The following MYL4 variants were observed in gnomAD, a reference collection of about 807,000 sequenced individuals.
MYL4 encodes myosin light chain 4.
In MYL4, 16 loss-of-function variants were observed where a neutral mutation model predicts 21.6. That is an observed-to-expected ratio of 0.74 (90% CI 0.50 to 1.12). The LOEUF (loss-of-function observed/expected upper bound fraction) is 1.12, where lower values mean the gene tolerates loss of function less well. Among genes scored for constraint, MYL4 ranks in the 50% most tolerant of loss-of-function variants. MYL4 has a pLI of 0.00. For synonymous variants in MYL4, 82 were observed against 95.7 expected, an observed-to-expected ratio of 0.86 and a Z score of 0.83; for missense variants, 249 against 252.9, an observed-to-expected ratio of 0.98 and a Z score of 0.11.
chr17:47,201,349 G>A (rs2064708807), intron 1 of MYL4, among the ~76,000 whole-genome samples: 2 of 151,992 alleles, frequency 1.3e-5, no homozygotes, highest in Admixed American at 6.6e-5. Context: ...TTGGTGGGAA[G>A]GATTCTTATA....
the MYL4 span, among the ~76,000 whole-genome samples, chr17:47,190,406 A>G: frequency 6.6e-6 from 1 of 152,196 alleles, no homozygotes; most frequent in Non-Finnish European, 1.5e-5. Context: ...AGAGTGAACC[A>G]GGGGACTGTT....
At chr17:47,226,260 C>T (rs916024680), downstream of MYL4, among the ~76,000 whole-genome samples, 1 of 152,072 alleles carries the variant, frequency 6.6e-6, no homozygotes, top group Admixed American at 6.6e-5. Context: ...TTTAAGGAAC[C>T]AATACAAGGA....
chr17:47,213,195 C>G (rs1187876422), intron 1 of MYL4, among the ~76,000 whole-genome samples: 1 of 152,174 alleles, frequency 6.6e-6, no homozygotes, highest in East Asian at 1.9e-4. Flanking sequence ...TTACAATAGG[C>G]AGTCCGTGTA....
intron 1 of MYL4, among the ~76,000 whole-genome samples, chr17:47,201,523 C>G (rs903579581): frequency 1.3e-5 from 2 of 151,742 alleles, no homozygotes; most frequent in African/African-American, 2.4e-5. Flanking sequence ...ATGGCACGAT[C>G]TGCTCACTGC....
intron 2 of MYL4, among the ~76,000 whole-genome samples, chr17:47,216,353 A>AT (rs1456800487): frequency 8.2e-6 from 1 of 121,874 alleles, no homozygotes; most frequent in Admixed American, 8.5e-5. Flanking sequence ...TCAGTGTTTG[A>AT]TTTTTTTATG....
rs192796664 is a variant in MYL4 at position 47,202,054 on chromosome 17, C to T, written c.-35+1468C>T. On this transcript the variant is annotated intron_variant and NMD_transcript_variant, in intron 1 of 6. Transcript: ENST00000571981. ...AGGCTGGAGTGCAGTGGCTCGATCT[C>T]GGCTCACTGCAATCTCCACCTCCGG... 2.7e-3 allele frequency among the ~76,000 whole-genome samples: 418 copies of T among 152,256 alleles called. 2 individuals are homozygous for T. The highest frequency in any genetic ancestry group is 4.0e-3 in the Non-Finnish European group (275 of 68,020).
At chr17:47,194,267 C>T in the MYL4 span, among the ~76,000 whole-genome samples, 1 of 152,140 alleles carries the variant, frequency 6.6e-6, no homozygotes, top group East Asian at 1.9e-4. Context: ...TTTTCCATTG[C>T]CCAAAAGATT....
chr17:47,220,860 TC>T (rs1437773477), intron 3 of MYL4, among the ~76,000 whole-genome samples: 1 of 152,106 alleles, frequency 6.6e-6, no homozygotes, highest in African/African-American at 2.4e-5. Context: ...GGGGTGAGCC[TC>T]TCAGCAAGGG....
upstream of MYL4, among the ~76,000 whole-genome samples, chr17:47,206,360 GA>G (rs1567743179): frequency 6.6e-6 from 1 of 152,124 alleles, no homozygotes; most frequent in African/African-American, 2.4e-5. Context: ...AGAAGAAAAG[GA>G]AAGAACAACC....
At chr17:47,194,020 G>C in the MYL4 span, among the ~76,000 whole-genome samples, 32 of 152,360 alleles carry the variant, frequency 2.1e-4, 1 homozygote, top group South Asian at 6.4e-3. Context: ...AAAGTGCTGG[G>C]ATTACAGGCG....
chr17:47,210,963 G>T (rs905895800), intron 1 of MYL4, among the ~76,000 whole-genome samples: 1 of 152,044 alleles, frequency 6.6e-6, no homozygotes, highest in African/African-American at 2.4e-5. Context: ...TGTGCCTTTG[G>T]GTGGGTTGCC....
At position 47,209,507 on chromosome 17, in the gene MYL4, C is replaced by G; in HGVS notation, c.85C>G (p.Pro29Ala). The G allele has an allele frequency of 6.2e-7, 1 of 1,614,224 alleles. No individual in the cohort carries two copies. Among genetic ancestry groups the G allele is most frequent in the Non-Finnish European group, 8.5e-7 (1 of 1,180,040 alleles). Residue 29 changes from proline (P) to alanine (A), a missense_variant, in exon 1 of 7, where the codon CCA becomes GCA. Physicochemically the swap from Pro to Ala is conservative, Grantham distance 27. Transcript: ENST00000393450. ...TCCAGCCCCTGCACCAGCCCCTGCCCCAGCTCCTGAGGCTCCCAAGGAACC... is the reference window on the plus strand; with the variant it reads ...TCCAGCCCCTGCACCAGCCCCTGCCGCAGCTCCTGAGGCTCCCAAGGAACC... ...PAPAPAPAPAPAPEAPKEPAF... is the reference protein window; with the variant it reads ...PAPAPAPAPAAAPEAPKEPAF...
chr17:47,225,356 G>A (rs1166900493), downstream of MYL4, among the ~76,000 whole-genome samples: 1 of 152,204 alleles, frequency 6.6e-6, no homozygotes, highest in Non-Finnish European at 1.5e-5. Context: ...TTGAGCAGGG[G>A]TTCATTGAAT....
downstream of MYL4, among the ~76,000 whole-genome samples, chr17:47,227,599 CA>C (rs1598663784): frequency 6.6e-6 from 1 of 152,194 alleles, no homozygotes; most frequent in Non-Finnish European, 1.5e-5. Flanking sequence ...TCCTCCTCCT[CA>C]GCCTACTCAA....
the MYL4 span, among the ~76,000 whole-genome samples, chr17:47,195,229 ATTTTT>A: frequency 8.6e-6 from 1 of 116,856 alleles, no homozygotes. Context: ...CAGTGGGCTA[ATTTTT>A]TTTTTTTTTT....
At chr17:47,203,665 A>G (rs1015038687) in intron 1 of MYL4, among the ~76,000 whole-genome samples, 4 of 152,116 alleles carry the variant, frequency 2.6e-5, no homozygotes, top group Non-Finnish European at 5.9e-5. Context: ...TTTCCACTTA[A>G]GTTACACTGT....
upstream of MYL4, among the ~76,000 whole-genome samples, chr17:47,197,548 C>T (rs2064694038): frequency 6.6e-6 from 1 of 152,190 alleles, no homozygotes; most frequent in African/African-American, 2.4e-5. Context: ...AAATAAACTA[C>T]AGACAGCCCC....
upstream of MYL4, among the ~76,000 whole-genome samples, chr17:47,199,199 C>T (rs1469109530): frequency 3.3e-5 from 5 of 151,280 alleles, no homozygotes; most frequent in South Asian, 6.3e-4. Context: ...CAAGATTGTG[C>T]CACTGCACTC....
chr17:47,194,558 A>G, the MYL4 span, among the ~76,000 whole-genome samples: 3 of 152,138 alleles, frequency 2.0e-5, no homozygotes, highest in African/African-American at 7.2e-5. Context: ...ACGACCTGCC[A>G]ATTTTACCTC....
Sources: gnomAD v4.1 joint callset for allele counts (sites outside exome capture counted in the v4.1 genomes callset) on GRCh38, gnomAD v4.1.1 for gene constraint, MANE v1.5 for transcripts, NCBI Gene and HGNC (gene_info 2026-07-23, HGNC 2026-07-21) for gene names.